Variants in SCAI observed in about 807,000 individuals in gnomAD.
SCAI encodes suppressor of cancer cell invasion.
SCAI carries 24 observed loss-of-function variants against 92.2 expected under a neutral mutation model. The observed-to-expected ratio is 0.26, with a 90% CI of 0.19 to 0.37. SCAI has a LOEUF of 0.37. Ranked by LOEUF, SCAI falls within the 10% of genes least tolerant of loss-of-function variation. SCAI has a pLI of 1.00. For missense variants in SCAI, 450 were observed against 736.2 expected (o/e 0.61, Z 4.50); for synonymous variants, 261 against 258.6 (o/e 1.01, Z -0.09).
chr9:124,960,425 G>A (rs1831415069), intron 17 of SCAI, among the ~76,000 whole-genome samples: 1 of 152,154 alleles, frequency 6.6e-6, no homozygotes, highest in South Asian at 2.1e-4. Flanking sequence ...CAACTGCCAT[G>A]TATTCATCAG....
intron 6 of SCAI, among the ~76,000 whole-genome samples, chr9:125,026,418 T>C (rs1006117442): frequency 2.0e-5 from 3 of 151,654 alleles, no homozygotes; most frequent in African/African-American, 7.3e-5. Flanking sequence ...TCAAACAGCA[T>C]TAACAGACTA....
intron 1 of SCAI, 93 bp from the exon 2 acceptor site, chr9:125,142,770 C>G: frequency 9.6e-7 from 1 of 1,039,924 alleles, no homozygotes. Flanking sequence ...AAATAGACCA[C>G]CCTCTGGGAC....
intron 3 of SCAI, among the ~76,000 whole-genome samples, chr9:125,042,812 A>G (rs1486600960): frequency 2.0e-5 from 3 of 149,104 alleles, no homozygotes; most frequent in Non-Finnish European, 4.5e-5. Flanking sequence ...TTTTGTACGC[A>G]AGTAAAGTTG....
chr9:125,138,687 T>C lies in SCAI; in HGVS notation c.98+3946A>G, dbSNP rs186699395. ...CCTTGGCCTCCCAAAGTGCTGGGAT[T>C]ACAGGATTGAGCCATCGTGCCCGGC... is the stretch of plus-strand genomic sequence containing the variant. On this transcript the variant is annotated intron_variant, in intron 2 of 17. Transcript: ENST00000336505. Among the ~76,000 whole-genome samples, 337 of 152,248 alleles carry C rather than the reference T, an allele frequency of 2.2e-3. 3 individuals are homozygous for C. The highest frequency in any genetic ancestry group is 7.8e-3 in the African/African-American group (322 of 41,540).
intron 2 of SCAI, among the ~76,000 whole-genome samples, chr9:125,065,676 C>A (rs866401089): frequency 1.3e-5 from 2 of 152,212 alleles, no homozygotes; most frequent in Middle Eastern, 3.4e-3. Context: ...AGTATAGATA[C>A]AAATATACTA....
At chr9:124,968,936 A>AT in intron 17 of SCAI, 1 of 357,166 alleles carries the variant, frequency 2.8e-6, no homozygotes, top group Non-Finnish European at 5.1e-6. Flanking sequence ...TTTCCAATTT[A>AT]TTTTTTGGAA....
intron 3 of SCAI, among the ~76,000 whole-genome samples, chr9:125,031,122 T>C (rs1833065115): frequency 1.3e-5 from 2 of 152,150 alleles, no homozygotes; most frequent in East Asian, 1.9e-4. Flanking sequence ...AGAAACCTTA[T>C]AAACTCAAGG....
chr9:125,042,664 C>CACACACACACACACACACAT (rs139156398), intron 3 of SCAI, among the ~76,000 whole-genome samples: 65 of 129,814 alleles, frequency 5.0e-4, no homozygotes, highest in African/African-American at 1.7e-3. Flanking sequence ...CACACACACA[C>CACACACACACACACACACAT]ACATATACAA....
chr9:124,955,250 T>C (rs546518514), intron 17 of SCAI, among the ~76,000 whole-genome samples: 4 of 150,582 alleles, frequency 2.7e-5, no homozygotes, highest in Non-Finnish European at 5.9e-5. Context: ...CTATAATATA[T>C]ATTAAAGTAA....
At chr9:125,015,034 A>G (rs1305995402) in intron 9 of SCAI, among the ~76,000 whole-genome samples, 2 of 152,214 alleles carry the variant, frequency 1.3e-5, no homozygotes, top group Admixed American at 6.5e-5. Flanking sequence ...AATTAATTCA[A>G]GATGGATTAA....
In SCAI at chr9:125,067,228, A is replaced by G. The variant is rs1833890747; in HGVS notation, c.99-11221T>C. On this transcript the variant is annotated intron_variant, in intron 2 of 17. Coordinates refer to ENST00000336505, the MANE Select transcript of SCAI (RefSeq NM_001144877.3). ...AATGGGTTGAATTGTGTCCCCCTTA[A>G]AAGATATGTTGAAGTCCTAACTTCT... 1.3e-5 allele frequency among the ~76,000 whole-genome samples: 2 copies of G among 152,184 alleles called. 1 individual carries two copies. Among genetic ancestry groups the G allele is most frequent in the South Asian group, 4.1e-4 (2 of 4,822 alleles).
intron 2 of SCAI, among the ~76,000 whole-genome samples, chr9:125,138,660 C>T (rs1024610675): frequency 6.6e-6 from 1 of 152,050 alleles, no homozygotes; most frequent in Non-Finnish European, 1.5e-5. Flanking sequence ...GTGATCCGCC[C>T]GCCTTGGCCT....
intron 2 of SCAI, among the ~76,000 whole-genome samples, chr9:125,120,681 A>C (rs977609800): frequency 2.0e-5 from 3 of 152,124 alleles, no homozygotes; most frequent in African/African-American, 7.2e-5. Context: ...CAACAGAACA[A>C]GACTCCATCT....
intron 1 of SCAI, among the ~76,000 whole-genome samples, chr9:125,142,942 C>G (rs1232526758): frequency 6.6e-6 from 1 of 151,934 alleles, no homozygotes; most frequent in Non-Finnish European, 1.5e-5. Context: ...CTCGTCACAG[C>G]CCAGCTCCCC....
intron 9 of SCAI, among the ~76,000 whole-genome samples, chr9:125,004,754 TATATATATATATA>T (rs1832446649): frequency 1.8e-4 from 2 of 10,962 alleles, no homozygotes; most frequent in South Asian, 3.0e-3. Context: ...TATATATATA[TATATATATATATA>T]TATATATATA....
At chr9:124,958,819 A>G (rs1183761442) in intron 17 of SCAI, among the ~76,000 whole-genome samples, 1 of 150,880 alleles carries the variant, frequency 6.6e-6, no homozygotes, top group Non-Finnish European at 1.5e-5. Flanking sequence ...AGGAAGGAGA[A>G]TTGCTTGAAT....
chr9:124,989,441 C>T (rs750496131), intron 14 of SCAI, among the ~76,000 whole-genome samples: 2 of 150,922 alleles, frequency 1.3e-5, no homozygotes, highest in Non-Finnish European at 3.0e-5. Flanking sequence ...ATTAGCCAGG[C>T]GTGGTGGTGT....
chr9:125,006,663 TG>T (rs566239468), intron 9 of SCAI, among the ~76,000 whole-genome samples: 220 of 152,256 alleles, frequency 1.4e-3, no homozygotes, highest in African/African-American at 5.0e-3. Flanking sequence ...GGCTAATTTT[TG>T]TATTTTTAGT....
intron 3 of SCAI, among the ~76,000 whole-genome samples, chr9:125,046,303 T>A (rs1833438656): frequency 1.7e-5 from 1 of 60,500 alleles, no homozygotes; most frequent in Non-Finnish European, 3.2e-5. Context: ...TTATGGCCTA[T>A]CTCATATATA....
Sources: allele counts gnomAD v4.1 joint callset (sites outside exome capture counted in the v4.1 genomes callset), GRCh38; gene constraint gnomAD v4.1.1; transcripts MANE v1.5; gene names NCBI Gene and HGNC (gene_info 2026-07-23, HGNC 2026-07-21).